The following ACP3 variants were observed in gnomAD, a reference collection of about 807,000 sequenced individuals.
The protein encoded by ACP3 is prostatic acid phosphatase.
A neutral mutation model predicts 45.6 loss-of-function variants in ACP3; 38 were observed. The observed-to-expected ratio is 0.83, with a 90% CI of 0.64 to 1.09. The LOEUF is 1.09. Ranked by LOEUF, ACP3 falls within the 50% of genes least tolerant of loss-of-function variation. The pLI, the probability that ACP3 is intolerant of heterozygous loss-of-function variation, is 0.00. For missense variants in ACP3, 466 were observed against 463.2 expected, an observed-to-expected ratio of 1.01 and a Z score of -0.05; for synonymous variants, 162 against 164.7, an observed-to-expected ratio of 0.98 and a Z score of 0.13.
At chr3:132,359,320 G>A (rs1937991377), downstream of ACP3, among the ~76,000 whole-genome samples, 1 of 152,098 alleles carries the variant, frequency 6.6e-6, no homozygotes, top group Non-Finnish European at 1.5e-5. Flanking sequence ...AGACCATCCT[G>A]GCTAACACGG....
At chr3:132,326,800 G>T (rs1227857229) in intron 1 of ACP3, among the ~76,000 whole-genome samples, 1 of 152,174 alleles carries the variant, frequency 6.6e-6, no homozygotes, top group Non-Finnish European at 1.5e-5. Flanking sequence ...TTTTAGCCAG[G>T]TAGTATAAGT....
Position 132,357,409 on chromosome 3 carries a change from G to A in ACP3, c.*531G>A, listed in dbSNP as rs1937933738. 6 of 985,266 alleles carry A rather than the reference G, an allele frequency of 6.1e-6. No individual in the cohort carries two copies. In the South Asian group the frequency reaches 2.8e-4, roughly 46 times the overall value. The allele number at this position is 985,266 out of a possible 1,614,324, so 61.0% of individuals were successfully genotyped here. ...AGGAGAGGCAAAGAAAGGAGATACA[G>A]TGGAGACATCTGGAAAGTTTTCTCC... On this transcript the variant is annotated 3_prime_UTR_variant, in exon 10 of 10. Coordinates refer to ENST00000336375, the MANE Select transcript of ACP3 (RefSeq NM_001099.5).
intron 1 of ACP3, among the ~76,000 whole-genome samples, chr3:132,318,690 C>G (rs905261374): frequency 4.8e-5 from 7 of 146,032 alleles, no homozygotes; most frequent in African/African-American, 1.8e-4. Context: ...AGCTGTCAGA[C>G]TTCTGTGCAG....
In ACP3 at chr3:132,352,780, C is replaced by G. The variant is rs758413741; in HGVS notation, c.925C>G (p.Pro309Ala). Residue 309 changes from proline (P) to alanine (A), a missense_variant, in exon 9 of 10, where the codon CCC (proline) becomes GCC (alanine). Transcript: ENST00000336375. The stretch of plus-strand genomic sequence containing the variant: ...AGATGTTTACAACGGACTCCTTCCT[C>G]CCTATGCTTCTTGCCACTTGACGGA... ...ALDVYNGLLPPYASCHLTELY... is the reference protein window; with the variant it reads ...ALDVYNGLLPAYASCHLTELY... The G allele has an allele frequency of 1.9e-6, 3 of 1,613,872 alleles. No individual in the cohort carries two copies. The African/African-American group carries it at 4.0e-5, about 22-fold the overall frequency.
intron 6 of ACP3, among the ~76,000 whole-genome samples, chr3:132,344,232 C>T (rs1369991645): frequency 6.8e-6 from 1 of 147,480 alleles, no homozygotes; most frequent in African/African-American, 2.5e-5. Context: ...GAGCTGAAAT[C>T]GTGCCACTGC....
At chr3:132,368,243 G>A (rs1407345969) in exon 11 of ACP3, 5 of 155,474 alleles carry the variant, frequency 3.2e-5, no homozygotes, top group African/African-American at 1.2e-4. Context: ...TATACAGGGT[G>A]ATTCTTACGA....
chr3:132,355,325 A>T (rs1937856761), intron 9 of ACP3, among the ~76,000 whole-genome samples: 1 of 152,220 alleles, frequency 6.6e-6, no homozygotes, highest in Admixed American at 6.5e-5. Flanking sequence ...TTCTATGGAA[A>T]GAGAATAACA....
At chr3:132,351,188 G>C (rs1937728076) in intron 8 of ACP3, among the ~76,000 whole-genome samples, 2 of 152,210 alleles carry the variant, frequency 1.3e-5, no homozygotes, top group African/African-American at 4.8e-5. Flanking sequence ...AAAGAGAATA[G>C]AAGGAGGAAA....
At chr3:132,325,138 A>C (rs1937275135) in intron 1 of ACP3, among the ~76,000 whole-genome samples, 1 of 152,228 alleles carries the variant, frequency 6.6e-6, no homozygotes, top group Non-Finnish European at 1.5e-5. Flanking sequence ...ATGTCTTCGC[A>C]TAGTCCAAGA....
chr3:132,331,654 T>C lies in ACP3; in HGVS notation c.224T>C (p.Met75Thr). The C allele has an allele frequency of 6.3e-7, 1 of 1,594,874 alleles. No individual in the cohort carries two copies. The highest frequency in any genetic ancestry group is 8.5e-7 in the Non-Finnish European group (1 of 1,174,958). Residue 75 changes from methionine to threonine, a missense_variant, in exon 3 of 10, where the codon ATG (methionine) becomes ACG (threonine). Coordinates refer to ENST00000336375, the MANE Select transcript of ACP3 (RefSeq NM_001099.5). Reference protein sequence around the residue: ...QGFGQLTQLGMEQHYELGEYI... With the variant: ...QGFGQLTQLGTEQHYELGEYI... ...TTTATTTTTTTCCCATAGCTGGGCA[T>C]GGAGCAGCATTATGAACTTGGAGAG...
intron 7 of ACP3, 118 bp from the exon 8 acceptor site, chr3:132,349,802 G>T (rs767594117): frequency 7.5e-6 from 5 of 670,120 alleles, no homozygotes; most frequent in Non-Finnish European, 1.3e-5. Context: ...TTAGATCTTT[G>T]CCCCTCTTCT....
intron 9 of ACP3, among the ~76,000 whole-genome samples, chr3:132,355,805 T>C (rs56358880): frequency 0.48 from 72,442 of 152,128 alleles, 18,031 homozygotes; most frequent in Middle Eastern, 0.65. Flanking sequence ...CGTGAGCCAC[T>C]GCGCCCAGCC....
intron 1 of ACP3, among the ~76,000 whole-genome samples, chr3:132,322,463 T>C (rs899176718): frequency 3.3e-5 from 5 of 152,202 alleles, no homozygotes; most frequent in South Asian, 2.1e-4. Flanking sequence ...AAGAAGAAAA[T>C]AAAATAGACT....
intron 5 of ACP3, among the ~76,000 whole-genome samples, chr3:132,339,538 G>A (rs1937527825): frequency 1.3e-5 from 2 of 151,378 alleles, no homozygotes; most frequent in African/African-American, 4.9e-5. Context: ...TTTAAGTTGG[G>A]GTTCCCACAA....
At chr3:132,325,619 C>CACACACACACACACACACA (rs1308503169) in intron 1 of ACP3, among the ~76,000 whole-genome samples, 18 of 151,366 alleles carry the variant, frequency 1.2e-4, no homozygotes, top group Non-Finnish European at 2.2e-4. Flanking sequence ...CACACACACA[C>CACACACACACACACACACA]CCCTTCCAAT....
intron 6 of ACP3, among the ~76,000 whole-genome samples, chr3:132,343,247 C>T (rs899101307): frequency 1.7e-4 from 26 of 152,184 alleles, no homozygotes; most frequent in Non-Finnish European, 1.0e-4. Context: ...CCAACTAGCT[C>T]ACTAAATATG....
At chr3:132,318,102 G>C (rs1937141845) in intron 1 of ACP3, among the ~76,000 whole-genome samples, 1 of 152,210 alleles carries the variant, frequency 6.6e-6, no homozygotes, top group Non-Finnish European at 1.5e-5. Flanking sequence ...TATAGATTTA[G>C]TTGACGATTA....
At position 132,358,546 on chromosome 3, in the gene ACP3, G is replaced by C; in HGVS notation, c.*1668G>C. The C allele has an allele frequency of 6.0e-6, 7 of 1,160,394 alleles. No homozygotes were observed. The highest frequency in any genetic ancestry group is 6.6e-6 in the Non-Finnish European group (6 of 911,136). The allele number at this position is 1,160,394 out of a possible 1,614,324, so 71.9% of individuals were successfully genotyped here. A position where few individuals can be genotyped will look rare whatever the true frequency, so the allele number is the denominator to read the frequency against. ...TAAAGATGAGATGGTTTCTAGAGAT[G>C]GTTTCTACTGGCTGCCAGAATCTAG... On this transcript the variant is annotated 3_prime_UTR_variant, in exon 10 of 10. Coordinates refer to ENST00000336375, the MANE Select transcript of ACP3 (RefSeq NM_001099.5).
At chr3:132,328,900 T>C (rs1937351779) in intron 2 of ACP3, among the ~76,000 whole-genome samples, 1 of 152,248 alleles carries the variant, frequency 6.6e-6, no homozygotes, top group Non-Finnish European at 1.5e-5. Flanking sequence ...TGAAAAATAG[T>C]CTTGTAATCA....
Sources: allele counts gnomAD v4.1 joint callset (sites outside exome capture counted in the v4.1 genomes callset), GRCh38; gene constraint gnomAD v4.1.1; transcripts MANE v1.5; gene names NCBI Gene and HGNC (gene_info 2026-07-23, HGNC 2026-07-21).